ZBTB48: variants seen among roughly 807,000 people sequenced by gnomAD.
ZBTB48 encodes zinc finger and BTB domain containing 48.
In ZBTB48, 35 loss-of-function variants were observed where a neutral mutation model predicts 64.5. The ratio of observed to expected loss-of-function variants is 0.54; its 90% confidence interval spans 0.41 to 0.72. The LOEUF (loss-of-function observed/expected upper bound fraction) is 0.72, where lower values mean the gene tolerates loss of function less well. ZBTB48 is among the 30% of genes least tolerant of loss of function. The pLI, the probability that ZBTB48 is intolerant of heterozygous loss-of-function variation, is 0.00. For synonymous variants in ZBTB48, 442 were observed against 356.7 expected (o/e 1.24, Z -2.70); for missense variants, 828 against 895.3 (o/e 0.92, Z 0.96).
chr1:6,584,480 T>C lies in ZBTB48; in HGVS notation c.933-1439T>C, dbSNP rs1640589930. Among the ~76,000 whole-genome samples the C allele has an allele frequency of 6.6e-6, 1 of 152,176 alleles. No individual in the cohort carries two copies. Among genetic ancestry groups the C allele is most frequent in the Admixed American group, 6.5e-5 (1 of 15,282 alleles). ...AAGACATCACTAGTCTATCATGGTG[T>C]GTTTTCTTGCCATGCCAGGTTGGGC... On this transcript the variant is annotated intron_variant, in intron 3 of 10. Transcript: ENST00000377674. The surrounding 1 kb of genome is among the most constrained non-coding windows in gnomAD (Gnocchi z 4.5).
In ZBTB48 at chr1:6,588,410, A is replaced by G; in HGVS notation, c.1649A>G (p.His550Arg). The G allele has an allele frequency of 6.4e-7, 1 of 1,567,248 alleles. No homozygotes were observed. Among genetic ancestry groups the G allele is most frequent in the Non-Finnish European group, 8.7e-7 (1 of 1,154,570 alleles). The change falls in exon 9 of 11, where the codon CAC becomes CGC. Residue 550 changes from histidine to arginine, a missense_variant. His to Arg is a conservative substitution (Grantham distance 29). Transcript: ENST00000377674. ...VASRHQEGRP[H>R]FCQICGKTFK... Reference sequence around the variant, plus strand: ...AGCCGCCATCAGGAGGGCCGGCCCCACTTCTGCCAGATATGCGGCAAGACC... The same window carrying G: ...AGCCGCCATCAGGAGGGCCGGCCCCGCTTCTGCCAGATATGCGGCAAGACC...
rs759479939 is a variant in ZBTB48, at chr1:6,580,830, G to A, written c.221G>A (p.Gly74Asp). ...VLPAGFAEIFGLLLDFFYTGH... is the reference protein window; with the variant it reads ...VLPAGFAEIFDLLLDFFYTGH... The stretch of plus-strand genomic sequence containing the variant: ...CCTGCTGGCTTCGCTGAGATCTTTG[G>A]CCTCTTGTTGGACTTTTTCTACACT... Residue 74 changes from glycine to aspartate, a missense_variant, in exon 2 of 11, where the codon GGC (glycine) becomes GAC (aspartate). Transcript: ENST00000377674. The surrounding 1 kb of genome is among the most constrained non-coding windows in gnomAD (Gnocchi z 5.2). The A allele has an allele frequency of 1.2e-6, 2 of 1,614,080 alleles. No homozygotes were observed. The highest frequency in any genetic ancestry group is 4.5e-5 in the East Asian group (2 of 44,886).
chr1:6,581,709 T>C (rs892375817), intron 2 of ZBTB48, among the ~76,000 whole-genome samples: 2 of 151,448 alleles, frequency 1.3e-5, no homozygotes, highest in African/African-American at 4.9e-5. Flanking sequence ...TCTCTGTTAA[T>C]GTGGGTTTGG....
rs553641007 is a variant in ZBTB48 at position 6,584,381 on chromosome 1, TG to T, written c.933-1537del. On this transcript the variant is annotated intron_variant, in intron 3 of 10. Coordinates refer to ENST00000377674, the MANE Select transcript of ZBTB48 (RefSeq NM_005341.4). This position sits in a 1 kb window ranked among gnomAD's most constrained non-coding sequence, Gnocchi z 4.5. Reference sequence around the variant, plus strand: ...CGTGGAGAATCCCCTTGGGCGGCACTGCTTTGGAGTCCCTGCAAGGCCTGTG... The same window carrying T: ...CGTGGAGAATCCCCTTGGGCGGCACTCTTTGGAGTCCCTGCAAGGCCTGTG... 4.6e-4 allele frequency among the ~76,000 whole-genome samples: 70 copies of T among 152,328 alleles called. No homozygotes were observed. In the East Asian group the frequency reaches 9.3e-3, roughly 20 times the overall value.
rs144181179 is a variant in ZBTB48, at chr1:6,589,011, G to A, written c.1866G>A (p.Lys622=). The A allele has an allele frequency of 2.5e-6, 4 of 1,596,822 alleles. No homozygotes were observed. Among genetic ancestry groups the A allele is most frequent in the African/African-American group, 1.3e-5 (1 of 74,388 alleles). Reference sequence around the variant, plus strand: ...GCAACCTGATCATCGAGGACGAGAAGATGGTGGTGGTGGCGCTGCAGCCGC... The same window carrying A: ...GCAACCTGATCATCGAGGACGAGAAAATGGTGGTGGTGGCGCTGCAGCCGC... ...KLRNLIIEDE[K]MVVVALQPPA... is the part of the protein sequence containing the mutation. Residue 622 remains lysine, a synonymous_variant, in exon 11 of 11, where the codon AAG becomes AAA. Transcript: ENST00000377674.
chr1:6,586,567 C>G, intron 4 of ZBTB48, 128 bp from the exon 5 acceptor site: 17 of 1,237,230 alleles, frequency 1.4e-5, no homozygotes, highest in African/African-American at 3.1e-5. Flanking sequence ...GTTGCCCTCT[C>G]CCACCCTAGC....
Position 6,582,121 on chromosome 1 carries a change from G to A in ZBTB48, c.754G>A (p.Val252Met). 1.2e-6 allele frequency: 2 copies of A among 1,614,218 alleles called. No homozygotes were observed. Among genetic ancestry groups the A allele is most frequent in the Non-Finnish European group, 8.5e-7 (1 of 1,180,042 alleles). ...DGDYMSEPEA[V>M]LTRRKSNVIR... Reference sequence around the variant, plus strand: ...CGATTACATGTCTGAGCCTGAGGCTGTGCTGACCAGGAGGAAGTCAAATGT... The same window carrying A: ...CGATTACATGTCTGAGCCTGAGGCTATGCTGACCAGGAGGAAGTCAAATGT... The change falls in exon 3 of 11, where the codon GTG becomes ATG. Residue 252 changes from valine (V) to methionine (M), a missense_variant. Transcript: ENST00000377674.
intron 7 of ZBTB48, 80 bp downstream of exon 7, chr1:6,587,712 T>C: frequency 6.4e-7 from 1 of 1,573,894 alleles, no homozygotes; most frequent in South Asian, 1.2e-5. Flanking sequence ...CAGAGTTTGC[T>C]GACTTTTACA....
rs953748830 is a variant in ZBTB48 at position 6,587,419 on chromosome 1, C to T, written c.1225-59C>T. On this transcript the variant is annotated intron_variant, in intron 6 of 10. Coordinates refer to ENST00000377674, the MANE Select transcript of ZBTB48 (RefSeq NM_005341.4). ...GGTGCTTGTGGGTCTCCCAGGCAGC[C>T]CTTCCCTGCTCTCACCCTGGCCCTG... The T allele has an allele frequency of 2.5e-6, 4 of 1,610,024 alleles. No homozygotes were observed. The African/African-American group carries it at 5.3e-5, about 22-fold the overall frequency.
In ZBTB48 at chr1:6,582,297, C is replaced by T; in HGVS notation, c.930C>T (p.Asn310=). 6.2e-7 allele frequency: 1 copy of T among 1,606,086 alleles called. No individual in the cohort carries two copies. Among genetic ancestry groups the T allele is most frequent in the Non-Finnish European group, 8.5e-7 (1 of 1,173,376 alleles). ...FLSKYYLKVH[N]RKHTGEKPFE... is the part of the protein sequence containing the mutation. ...GCAAATATTATCTAAAAGTCCACAA[C>T]AGGTAAACGTTCTGTTTTTCTATTT... Residue 310 remains asparagine (N), a splice_region_variant and synonymous_variant, in exon 3 of 11, where the codon AAC becomes AAT. Transcript: ENST00000377674.
Position 6,586,000 on chromosome 1 carries a change from A to G in ZBTB48, c.1014A>G (p.Glu338=). 3.1e-6 allele frequency: 5 copies of G among 1,614,140 alleles called. No individual in the cohort carries two copies. The highest frequency in any genetic ancestry group is 4.2e-6 in the Non-Finnish European group (5 of 1,179,982). Residue 338 remains glutamate, a synonymous_variant, in exon 4 of 11, where the codon GAA becomes GAG. Coordinates refer to ENST00000377674, the MANE Select transcript of ZBTB48 (RefSeq NM_005341.4). ...GGAAGGAGAACCTCCTGGAGCATGAAGCCCGGAATTGCATGAACCGCTCGG... is the reference window on the plus strand; with the variant it reads ...GGAAGGAGAACCTCCTGGAGCATGAGGCCCGGAATTGCATGAACCGCTCGG... ...YFRKENLLEH[E]ARNCMNRSEQ...
rs2148683494 is a variant in ZBTB48 at position 6,581,203 on chromosome 1, G to A, written c.594G>A (p.Lys198=). The change falls in exon 2 of 11, where the codon AAG becomes AAA. Residue 198 remains lysine (K), a synonymous_variant. Transcript: ENST00000377674. ...GTGGGAAACTGAAGCAGGCCTTGAA[G>A]CCTTGTCCCCTTGAGGACAAGAAAC... ...SLCGKLKQAL[K]PCPLEDKKPE... is the part of the protein sequence containing the mutation. The A allele has an allele frequency of 6.2e-7, 1 of 1,613,388 alleles. No individual in the cohort carries two copies. Among genetic ancestry groups the A allele is most frequent in the East Asian group, 2.2e-5 (1 of 44,882 alleles).
chr1:6,587,301 A>AGG lies in ZBTB48; in HGVS notation c.1224+12_1224+13dup. On this transcript the variant is annotated intron_variant, in intron 6 of 10. Transcript: ENST00000377674. The stretch of plus-strand genomic sequence containing the variant: ...CCCCAAGCCCCATGCAGTAAGTGAC[A>AGG]GGGAGGGCTGGGCATGCTTTGATGC... 6.2e-7 allele frequency: 1 copy of AGG among 1,614,038 alleles called. No homozygotes were observed. Among genetic ancestry groups the AGG allele is most frequent in the Non-Finnish European group, 8.5e-7 (1 of 1,179,990 alleles).
intron 8 of ZBTB48, 26 bp downstream of exon 8, chr1:6,588,222 C>T (rs199798280): frequency 4.7e-5 from 76 of 1,613,194 alleles, no homozygotes; most frequent in Admixed American, 1.2e-4. Flanking sequence ...CCCCTCCCCT[C>T]GCCTCCCCAT....
chr1:6,586,852 T>C (rs1330452274), intron 5 of ZBTB48, 65 bp downstream of exon 5: 2 of 1,546,346 alleles, frequency 1.3e-6, no homozygotes, highest in South Asian at 2.4e-5. Flanking sequence ...GCTGAGCCCT[T>C]TACGTGGGGT....
chr1:6,587,422 TC>T, intron 6 of ZBTB48, 55 bp from the exon 7 acceptor site: 1 of 1,611,244 alleles, frequency 6.2e-7, no homozygotes, highest in Middle Eastern at 1.8e-4. Flanking sequence ...AGGCAGCCCT[TC>T]CCTGCTCTCA....
intron 2 of ZBTB48, 43 bp from the exon 3 acceptor site, chr1:6,582,011 GATTC>G: frequency 6.2e-7 from 1 of 1,603,730 alleles, no homozygotes; most frequent in Non-Finnish European, 8.5e-7. Flanking sequence ...AACTCCTGCT[GATTC>G]ATTTGGTGAC....
In ZBTB48 at chr1:6,580,783, C is replaced by G. The variant is rs1394137718; in HGVS notation, c.174C>G (p.Gly58=). Residue 58 remains glycine (G), a synonymous_variant, in exon 2 of 11, where the codon GGC becomes GGG. Transcript: ENST00000377674. This position sits in a 1 kb window ranked among gnomAD's most constrained non-coding sequence, Gnocchi z 5.2. ...SHFFQSLYGD[G]SGGSVVLPAG... ...TTTTCCAGAGCCTCTACGGGGATGG[C>G]TCAGGGGGCAGTGTCGTCCTCCCTG... The G allele has an allele frequency of 6.2e-7, 1 of 1,614,226 alleles. No homozygotes were observed. Among genetic ancestry groups the G allele is most frequent in the Admixed American group, 1.7e-5 (1 of 60,024 alleles).
rs1640599498 is a variant in ZBTB48 at position 6,584,747 on chromosome 1, G to A, written c.933-1172G>A. 6.6e-6 allele frequency among the ~76,000 whole-genome samples: 1 copy of A among 152,186 alleles called. No homozygotes were observed. The highest frequency in any genetic ancestry group is 1.5e-5 in the Non-Finnish European group (1 of 68,030). ...CTGGACTGGCCCTGAGAACTGGGAGGGGATGGCTTCATGAAGTCATTTTGA... is the reference window on the plus strand; with the variant it reads ...CTGGACTGGCCCTGAGAACTGGGAGAGGATGGCTTCATGAAGTCATTTTGA... On this transcript the variant is annotated intron_variant, in intron 3 of 10. Coordinates refer to ENST00000377674, the MANE Select transcript of ZBTB48 (RefSeq NM_005341.4). The surrounding 1 kb of genome is among the most constrained non-coding windows in gnomAD (Gnocchi z 4.5).
Sources: allele counts gnomAD v4.1 joint callset (sites outside exome capture counted in the v4.1 genomes callset), GRCh38; gene constraint gnomAD v4.1.1; non-coding constraint Gnocchi (gnomAD v3.1); transcripts MANE v1.5; gene names NCBI Gene and HGNC (gene_info 2026-07-23, HGNC 2026-07-21).